The following CSMD1 variants were observed in gnomAD, a reference collection of about 807,000 sequenced individuals.
CSMD1 encodes CUB and Sushi multiple domains 1, also known as CUB and sushi domain-containing protein 1.
In CSMD1, 213 loss-of-function variants were observed where a neutral mutation model predicts 417.5. The ratio of observed to expected loss-of-function variants is 0.51; its 90% CI spans 0.46 to 0.57. The LOEUF (loss-of-function observed/expected upper bound fraction) is 0.57. Ranked by LOEUF, CSMD1 falls within the 20% of genes least tolerant of loss-of-function variation. The pLI is 0.00. For missense variants in CSMD1, 6,923 were observed against 4,529.7 expected (o/e 1.53, Z -15.17); for synonymous variants, 2,862 against 1,736.8 (o/e 1.65, Z -16.11).
rs116891799 is a variant in CSMD1 at position 3,561,620 on chromosome 8, A to G, written c.1344+13325T>C. On this transcript the variant is annotated intron_variant, in intron 10 of 69. Coordinates refer to ENST00000635120, the MANE Select transcript of CSMD1 (RefSeq NM_033225.6). ...GCAACAACAGACACTGGTCACTCCGAAAGTGAGGAGAGAGGCAGGAGAGTA... is the reference window on the plus strand; with the variant it reads ...GCAACAACAGACACTGGTCACTCCGGAAGTGAGGAGAGAGGCAGGAGAGTA... Among the ~76,000 whole-genome samples the G allele has an allele frequency of 5.8e-3, 889 of 152,282 alleles. 8 individuals carry two copies. Among genetic ancestry groups the G allele is most frequent in the Non-Finnish European group, 5.4e-3 (366 of 68,016 alleles).
intron 5 of CSMD1, among the ~76,000 whole-genome samples, chr8:3,856,358 C>G (rs948445139): frequency 2.0e-5 from 3 of 152,166 alleles, no homozygotes; most frequent in African/African-American, 7.2e-5. Flanking sequence ...GTACAGCCCG[C>G]AGAACCGTGA....
intron 1 of CSMD1, among the ~76,000 whole-genome samples, chr8:4,899,485 A>G (rs925057476): frequency 6.6e-6 from 1 of 152,166 alleles, no homozygotes; most frequent in Admixed American, 6.5e-5. Context: ...AAGAGAAGAA[A>G]TCCCAATATG....
chr8:3,983,560 C>G (rs940021279), intron 5 of CSMD1, among the ~76,000 whole-genome samples: 4 of 152,164 alleles, frequency 2.6e-5, no homozygotes, highest in African/African-American at 7.2e-5. Flanking sequence ...AGAAGGACAG[C>G]CCCAATTTTG....
intron 3 of CSMD1, among the ~76,000 whole-genome samples, chr8:4,332,017 A>C (rs543330502): frequency 6.6e-6 from 1 of 152,272 alleles, no homozygotes; most frequent in South Asian, 2.1e-4. Context: ...ACTCAAACCC[A>C]CAAACAATGA....
At chr8:4,675,507 T>C (rs555868545) in intron 1 of CSMD1, among the ~76,000 whole-genome samples, 1 of 152,186 alleles carries the variant, frequency 6.6e-6, no homozygotes, top group Non-Finnish European at 1.5e-5. Context: ...CAAACCAGAA[T>C]CAAGACTGTA....
At chr8:3,974,355 G>C (rs746489914) in intron 5 of CSMD1, among the ~76,000 whole-genome samples, 1 of 151,538 alleles carries the variant, frequency 6.6e-6, no homozygotes, top group Non-Finnish European at 1.5e-5. Context: ...GAAAGAAATG[G>C]AATCAAATAT....
intron 1 of CSMD1, among the ~76,000 whole-genome samples, chr8:4,869,573 T>C (rs1370672394): frequency 6.6e-6 from 1 of 152,058 alleles, no homozygotes; most frequent in East Asian, 1.9e-4. Flanking sequence ...AAAGCCTATT[T>C]TGTGTTAAAT....
intron 10 of CSMD1, among the ~76,000 whole-genome samples, chr8:3,494,625 G>C (rs1585250245): frequency 2.0e-5 from 3 of 152,114 alleles, no homozygotes; most frequent in South Asian, 4.2e-4. Context: ...ATAGTAGATA[G>C]ATGACAGACT....
At chr8:4,098,434 G>A (rs1355294579) in intron 3 of CSMD1, among the ~76,000 whole-genome samples, 1 of 151,796 alleles carries the variant, frequency 6.6e-6, no homozygotes, top group African/African-American at 2.4e-5. Context: ...TACATAATAT[G>A]TGCAACATGC....
intron 10 of CSMD1, among the ~76,000 whole-genome samples, chr8:3,534,471 C>T (rs76490344): frequency 0.022 from 3,297 of 150,536 alleles, 116 homozygotes; most frequent in African/African-American, 0.076. Context: ...TTATGACACC[C>T]TCTCTCATGC....
intron 3 of CSMD1, among the ~76,000 whole-genome samples, chr8:4,296,091 T>C (rs1187951452): frequency 6.6e-6 from 1 of 152,088 alleles, no homozygotes; most frequent in African/African-American, 2.4e-5. Context: ...CTGTTGTTTT[T>C]CTCTTTGCAA....
chr8:4,306,275 C>G (rs202193778), intron 3 of CSMD1, among the ~76,000 whole-genome samples: 1 of 152,136 alleles, frequency 6.6e-6, no homozygotes, highest in East Asian at 1.9e-4. Flanking sequence ...TAGAATGGCC[C>G]TTCCTGAATA....
At chr8:4,308,483 G>C (rs1321177290) in intron 3 of CSMD1, among the ~76,000 whole-genome samples, 1 of 152,154 alleles carries the variant, frequency 6.6e-6, no homozygotes, top group African/African-American at 2.4e-5. Context: ...GGGCCAATGT[G>C]AAACACGGCA....
intron 11 of CSMD1, among the ~76,000 whole-genome samples, chr8:3,483,265 G>A (rs892602065): frequency 5.3e-5 from 8 of 151,796 alleles, no homozygotes; most frequent in African/African-American, 1.2e-4. Context: ...AGAGATAGAA[G>A]GGAACAATTA....
At chr8:3,987,966 C>G (rs1390670042) in intron 5 of CSMD1, among the ~76,000 whole-genome samples, 1 of 152,188 alleles carries the variant, frequency 6.6e-6, no homozygotes, top group African/African-American at 2.4e-5. Flanking sequence ...ACAAAGGAAA[C>G]TGCTCAACTT....
At chr8:4,165,416 G>C (rs184422829) in intron 3 of CSMD1, among the ~76,000 whole-genome samples, 1 of 152,218 alleles carries the variant, frequency 6.6e-6, no homozygotes, top group Non-Finnish European at 1.5e-5. Context: ...TAAGCATCAT[G>C]TTTTGTTTGA....
intron 5 of CSMD1, among the ~76,000 whole-genome samples, chr8:3,903,331 A>T (rs1807889510): frequency 1.0e-3 from 1 of 956 alleles, no homozygotes; most frequent in Non-Finnish European, 1.8e-3. Flanking sequence ...TGTCCAGCTA[A>T]AAAAAAAAAA....
rs11325039 is a variant in CSMD1, at chr8:3,982,617, GAA to G, written c.818+15284_818+15285del. ...ACTATTATGAAGTACTGCTGAGAGA[GAA>G]AAAAAAAAAGCCATTAAATTATGTG... is the stretch of plus-strand genomic sequence containing the variant. On this transcript the variant is annotated intron_variant, in intron 5 of 69. Transcript: ENST00000635120. Among the ~76,000 whole-genome samples the G allele has an allele frequency of 7.0e-4, 104 of 148,506 alleles. 1 individual carries two copies. Among genetic ancestry groups the G allele is most frequent in the African/African-American group, 2.3e-3 (91 of 40,380 alleles).
rs1366500542 is a variant in CSMD1 at position 2,938,406 on chromosome 8, C to G, written c.*179G>C. ...AATGAAAACGCATGTGTAGTTTGAT[C>G]CGTAGAAGACCCTGACACATTTGAG... On this transcript the variant is annotated 3_prime_UTR_variant, in exon 70 of 70. Transcript: ENST00000635120. The G allele has an allele frequency of 5.3e-6, 3 of 563,668 alleles. No individual in the cohort carries two copies. Among genetic ancestry groups the G allele is most frequent in the Non-Finnish European group, 9.1e-6 (3 of 330,906 alleles). The allele number at this position is 563,668 out of a possible 1,614,324, so 34.9% of individuals were successfully genotyped here. A position where few individuals can be genotyped will look rare whatever the true frequency, so the allele number is the denominator to read the frequency against.
Sources: gnomAD v4.1 joint callset for allele counts (sites outside exome capture counted in the v4.1 genomes callset) on GRCh38, gnomAD v4.1.1 for gene constraint, MANE v1.5 for transcripts, NCBI Gene and HGNC (gene_info 2026-07-23, HGNC 2026-07-21) for gene names.